The following ANO3 variants were observed in gnomAD, a reference collection of about 807,000 sequenced individuals.
ANO3 encodes the protein anoctamin-3.
Under a neutral mutation model 144.8 loss-of-function variants are expected in ANO3, and 99 were observed. The observed-to-expected ratio is 0.68, with a 90% CI of 0.58 to 0.81. The LOEUF (loss-of-function observed/expected upper bound fraction) is 0.81, where lower values mean the gene tolerates loss of function less well. ANO3 is among the 30% of genes least tolerant of loss of function. The pLI is 0.00. For missense variants in ANO3, 905 were observed against 1,202.2 expected, an observed-to-expected ratio of 0.75 and a Z score of 3.66; for synonymous variants, 414 against 392.6, an observed-to-expected ratio of 1.05 and a Z score of -0.64.
At chr11:26,351,376 C>A (rs1343761363) in intron 1 of ANO3, among the ~76,000 whole-genome samples, 1 of 151,836 alleles carries the variant, frequency 6.6e-6, no homozygotes, top group Non-Finnish European at 1.5e-5. Context: ...TTTAAGAGAA[C>A]CTTGAAGATC....
At chr11:26,289,507 T>C (rs978315387) in intron 1 of ANO3, among the ~76,000 whole-genome samples, 19 of 146,724 alleles carry the variant, frequency 1.3e-4, no homozygotes, top group Non-Finnish European at 2.1e-4. Context: ...TGATTCTAAG[T>C]ATATATGTAC....
At chr11:26,558,142 AG>A (rs887428071) in intron 13 of ANO3, among the ~76,000 whole-genome samples, 5 of 152,194 alleles carry the variant, frequency 3.3e-5, no homozygotes, top group African/African-American at 1.2e-4. Flanking sequence ...AAACCTAGTA[AG>A]AAAAAAAATG....
chr11:26,303,666 C>A (rs1438646088), intron 1 of ANO3, among the ~76,000 whole-genome samples: 1 of 152,168 alleles, frequency 6.6e-6, no homozygotes, highest in South Asian at 2.1e-4. Flanking sequence ...ACCCATGTAA[C>A]AAACCTACAA....
At chr11:26,399,656 C>T (rs774757128) in intron 1 of ANO3, among the ~76,000 whole-genome samples, 8 of 151,930 alleles carry the variant, frequency 5.3e-5, no homozygotes, top group Non-Finnish European at 1.2e-4. Context: ...TGTTGGTTCA[C>T]TTTTTCTCAT....
chr11:26,509,902 G>A (rs1366907282), intron 5 of ANO3, among the ~76,000 whole-genome samples: 1 of 151,894 alleles, frequency 6.6e-6, no homozygotes, highest in Admixed American at 6.6e-5. Flanking sequence ...CCAGCACTTT[G>A]GGAGGCCAAG....
chr11:26,411,251 G>C (rs1750693452), intron 1 of ANO3, among the ~76,000 whole-genome samples: 1 of 151,952 alleles, frequency 6.6e-6, no homozygotes, highest in Admixed American at 6.6e-5. Context: ...ACTGTATGTA[G>C]TTTAGGGTCT....
At chr11:26,374,853 CCTGA>C (rs1472373299) in intron 1 of ANO3, among the ~76,000 whole-genome samples, 2 of 152,192 alleles carry the variant, frequency 1.3e-5, no homozygotes, top group African/African-American at 4.8e-5. Flanking sequence ...GAGCAATTCT[CCTGA>C]CTAAGCCTCC....
chr11:26,487,406 T>G (rs952800435), intron 4 of ANO3, among the ~76,000 whole-genome samples: 3 of 152,232 alleles, frequency 2.0e-5, no homozygotes, highest in Non-Finnish European at 4.4e-5. Context: ...AACCTCTTTT[T>G]GTTCCCAGTT....
intron 7 of ANO3, among the ~76,000 whole-genome samples, chr11:26,526,283 A>G (rs565549577): frequency 1.7e-4 from 26 of 152,180 alleles, no homozygotes; most frequent in Non-Finnish European, 1.6e-4. Flanking sequence ...CAATCAAACC[A>G]CTACCCTGAG....
chr11:26,659,001 G>A (rs1396971789), intron 26 of ANO3, among the ~76,000 whole-genome samples: 1 of 151,482 alleles, frequency 6.6e-6, no homozygotes, highest in East Asian at 1.9e-4. Context: ...TTCTTCATAG[G>A]AAAAACAGGA....
intron 14 of ANO3, among the ~76,000 whole-genome samples, chr11:26,594,122 T>C (rs1368272535): frequency 6.6e-6 from 1 of 152,190 alleles, no homozygotes; most frequent in Admixed American, 6.5e-5. Flanking sequence ...TTCCTTTCCC[T>C]GTGTTATAGT....
intron 1 of ANO3, among the ~76,000 whole-genome samples, chr11:26,277,379 G>T (rs1334690541): frequency 2.6e-5 from 4 of 152,048 alleles, no homozygotes; most frequent in Non-Finnish European, 5.9e-5. Context: ...ATATATTAAA[G>T]AATTTCTTTT....
intron 6 of ANO3, among the ~76,000 whole-genome samples, chr11:26,519,846 C>A (rs965525102): frequency 1.3e-5 from 2 of 152,106 alleles, no homozygotes; most frequent in Non-Finnish European, 2.9e-5. Flanking sequence ...AATAGCTTTT[C>A]TTTCTTTAAC....
At position 26,624,435 on chromosome 11, in the gene ANO3, T is replaced by C. The variant is rs773297078; in HGVS notation, c.1837-27T>C. On this transcript the variant is annotated intron_variant, in intron 17 of 26. Transcript: ENST00000256737. ...CCTTTTCCAAAAGAGAGGAATAATG[T>C]TCACTATGTATTCTCTTTTATTACA... 4 of 1,545,264 alleles carry C rather than the reference T, an allele frequency of 2.6e-6. No homozygotes were observed. The South Asian group carries it at 4.5e-5, about 17-fold the overall frequency.
At chr11:26,591,441 A>G (rs1323020483) in intron 14 of ANO3, among the ~76,000 whole-genome samples, 2 of 152,174 alleles carry the variant, frequency 1.3e-5, no homozygotes, top group African/African-American at 2.4e-5. Context: ...AACCATTTGT[A>G]GTTTTACAAC....
At chr11:26,335,000 TC>T (rs979953008) in intron 1 of ANO3, among the ~76,000 whole-genome samples, 4 of 152,132 alleles carry the variant, frequency 2.6e-5, no homozygotes, top group African/African-American at 9.7e-5. Context: ...TATTAACCAA[TC>T]CCCGATCAAA....
chr11:26,238,089 A>C (rs966988693), intron 1 of ANO3, among the ~76,000 whole-genome samples: 15 of 152,076 alleles, frequency 9.9e-5, no homozygotes, highest in Admixed American at 2.6e-4. Flanking sequence ...CATTCCTACT[A>C]TTACCCCATG....
chr11:26,494,869 T>G (rs1860864509), intron 4 of ANO3, among the ~76,000 whole-genome samples: 1 of 152,154 alleles, frequency 6.6e-6, no homozygotes, highest in Admixed American at 6.6e-5. Flanking sequence ...TATGTCTGTG[T>G]GGTTTTCTCC....
intron 1 of ANO3, among the ~76,000 whole-genome samples, chr11:26,222,302 G>A (rs1457204863): frequency 6.6e-6 from 1 of 152,228 alleles, no homozygotes; most frequent in African/African-American, 2.4e-5. Flanking sequence ...GTGCACACTG[G>A]TGCAGCGGGT....
Sources: gnomAD v4.1 joint callset for allele counts (sites outside exome capture counted in the v4.1 genomes callset) on GRCh38, gnomAD v4.1.1 for gene constraint, MANE v1.5 for transcripts, NCBI Gene and HGNC (gene_info 2026-07-23, HGNC 2026-07-21) for gene names.